MAGI1: variants seen among roughly 807,000 people sequenced by gnomAD.
The protein encoded by MAGI1 is membrane-associated guanylate kinase, WW and PDZ domain-containing protein 1.
In MAGI1, 58 loss-of-function variants were observed where a neutral mutation model predicts 139.9. The ratio of observed to expected loss-of-function variants is 0.41; its 90% CI spans 0.34 to 0.52. The LOEUF is 0.52. Ranked by LOEUF, MAGI1 falls within the 20% of genes least tolerant of loss-of-function variation. The pLI, the probability that MAGI1 is intolerant of heterozygous loss-of-function variation, is 0.12. For missense variants in MAGI1, 1,874 were observed against 1,901.6 expected, an observed-to-expected ratio of 0.99 and a Z score of 0.27; for synonymous variants, 812 against 737.9, an observed-to-expected ratio of 1.10 and a Z score of -1.63.
chr3:65,570,040 C>T (rs1056455283), intron 2 of MAGI1, among the ~76,000 whole-genome samples: 1 of 149,270 alleles, frequency 6.7e-6, no homozygotes, highest in African/African-American at 2.5e-5. Flanking sequence ...GAGCTCTTTC[C>T]ATTCCTACAG....
At chr3:65,401,387 C>G (rs1944879824) in intron 13 of MAGI1, 52 bp downstream of exon 13, 5 of 1,541,238 alleles carry the variant, frequency 3.2e-6, no homozygotes, top group African/African-American at 1.4e-5. Flanking sequence ...CCTCCAGCCC[C>G]CCACCATCCA....
At chr3:65,372,802 C>A (rs933459989) in intron 18 of MAGI1, among the ~76,000 whole-genome samples, 4 of 152,216 alleles carry the variant, frequency 2.6e-5, no homozygotes, top group Non-Finnish European at 4.4e-5. Context: ...CTTTAAATCT[C>A]ATGCACCAAC....
chr3:65,451,460 C>A (rs1306181695), intron 6 of MAGI1, among the ~76,000 whole-genome samples: 1 of 152,096 alleles, frequency 6.6e-6, no homozygotes. Flanking sequence ...TAGTCATTAT[C>A]CAAAATGGTT....
intron 1 of MAGI1, among the ~76,000 whole-genome samples, chr3:65,791,024 A>G (rs192380316): frequency 1.3e-5 from 2 of 152,286 alleles, no homozygotes; most frequent in Admixed American, 1.3e-4. Flanking sequence ...GCAGTAAGCC[A>G]AGGTCGCATC....
At chr3:65,832,566 C>T (rs2042586222) in intron 1 of MAGI1, among the ~76,000 whole-genome samples, 2 of 152,052 alleles carry the variant, frequency 1.3e-5, no homozygotes, top group Non-Finnish European at 2.9e-5. Context: ...AAGCTAGATG[C>T]TCCCTTCTCT....
chr3:65,570,676 T>C (rs759429568), intron 2 of MAGI1, among the ~76,000 whole-genome samples: 1 of 152,196 alleles, frequency 6.6e-6, no homozygotes, highest in Non-Finnish European at 1.5e-5. Context: ...TGAAATAAGA[T>C]TGGCTAAAAG....
At chr3:65,472,128 A>G (rs1553649554) in intron 4 of MAGI1, among the ~76,000 whole-genome samples, 1 of 152,214 alleles carries the variant, frequency 6.6e-6, no homozygotes, top group Non-Finnish European at 1.5e-5. Context: ...TAATAGATCA[A>G]CTATAAGTAA....
intron 2 of MAGI1, among the ~76,000 whole-genome samples, chr3:65,521,540 G>A (rs1047223452): frequency 2.0e-5 from 3 of 152,060 alleles, no homozygotes; most frequent in African/African-American, 7.2e-5. Flanking sequence ...TTGACTTGAG[G>A]CCTGTATTAC....
chr3:65,958,519 T>A (rs990551154), intron 1 of MAGI1, among the ~76,000 whole-genome samples: 5 of 152,222 alleles, frequency 3.3e-5, no homozygotes, highest in Admixed American at 3.3e-4. Flanking sequence ...GGGTAAAAAC[T>A]GGGCATTCTC....
In MAGI1 at chr3:65,360,990, T is replaced by C. The variant is rs969128850; in HGVS notation, c.3634+209A>G. 6 of 1,452,116 alleles carry C rather than the reference T, an allele frequency of 4.1e-6. No homozygotes were observed. The South Asian group carries it at 9.0e-5, about 22-fold the overall frequency. 90.0% of individuals were successfully genotyped at this position (1,452,116 alleles called of 1,614,324 possible). On this transcript the variant is annotated intron_variant, in intron 22 of 22. Transcript: ENST00000402939. Reference sequence around the variant, plus strand: ...GAAAGGGGGCTATAAAGATCTTGTCTTAGGCCATGCCCCAGTCCACGTAAG... The same window carrying C: ...GAAAGGGGGCTATAAAGATCTTGTCCTAGGCCATGCCCCAGTCCACGTAAG...
chr3:65,824,067 A>C (rs1225270538), intron 1 of MAGI1, among the ~76,000 whole-genome samples: 2 of 152,236 alleles, frequency 1.3e-5, no homozygotes, highest in Non-Finnish European at 2.9e-5. Context: ...AGTACAAAAC[A>C]ATCAATCAGG....
chr3:65,817,205 C>T (rs1185749632), intron 1 of MAGI1, among the ~76,000 whole-genome samples: 2 of 151,966 alleles, frequency 1.3e-5, no homozygotes, highest in Non-Finnish European at 2.9e-5. Context: ...GTGCATATTC[C>T]CCAAAATTTT....
At chr3:65,910,855 C>CTTTTTTTGTTTTTTT (rs2061634666) in intron 1 of MAGI1, among the ~76,000 whole-genome samples, 1 of 59,484 alleles carries the variant, frequency 1.7e-5, no homozygotes, top group Non-Finnish European at 2.7e-5. Flanking sequence ...ACATGGTGGA[C>CTTTTTTTGTTTTTTT]TTTTTTTTTT....
rs1056420851 is a variant in MAGI1 at position 65,729,131 on chromosome 3, G to T, written c.314-107043C>A. Among the ~76,000 whole-genome samples, 218 of 109,322 alleles carry T rather than the reference G, an allele frequency of 2.0e-3. 16 individuals are homozygous for T. Among genetic ancestry groups the T allele is most frequent in the African/African-American group, 6.2e-3 (200 of 32,032 alleles). The allele number at this position is 109,322 out of a possible 152,430, so 71.7% of individuals were successfully genotyped here. A position where few individuals can be genotyped will look rare whatever the true frequency, so the allele number is the denominator to read the frequency against. On this transcript the variant is annotated intron_variant, in intron 1 of 22. Transcript: ENST00000402939. ...AACAAAAAATGGAACGGGGGGGGGG[G>T]GGGGGATGATATTCACTCTGAAGAA...
intron 1 of MAGI1, among the ~76,000 whole-genome samples, chr3:65,735,356 C>CATGTGTGTGTGTGTGTGTGTGTGTGT (rs1553699336): frequency 2.7e-5 from 4 of 148,180 alleles, no homozygotes; most frequent in Admixed American, 6.7e-5. Flanking sequence ...TGTGTCTGCA[C>CATGTGTGTGTGTGTGTGTGTGTGTGT]GTGTGTGTGT....
chr3:65,773,502 C>T (rs1233065572), intron 1 of MAGI1, among the ~76,000 whole-genome samples: 9 of 152,122 alleles, frequency 5.9e-5, no homozygotes, highest in Non-Finnish European at 1.2e-4. Context: ...CACTGCACTC[C>T]AGCCTATGCA....
chr3:65,723,216 C>A (rs2107696454), intron 1 of MAGI1, among the ~76,000 whole-genome samples: 1 of 152,272 alleles, frequency 6.6e-6, no homozygotes, highest in African/African-American at 2.4e-5. Context: ...AGGAGTGAAA[C>A]CCCTTGTGGC....
chr3:65,988,335 T>C (rs990520125), intron 1 of MAGI1, among the ~76,000 whole-genome samples: 1 of 152,154 alleles, frequency 6.6e-6, no homozygotes, highest in African/African-American at 2.4e-5. Flanking sequence ...CTGTTGACAA[T>C]GTTGGCGACT....
intron 5 of MAGI1, among the ~76,000 whole-genome samples, chr3:65,463,541 A>C (rs2107547143): frequency 6.8e-6 from 1 of 147,948 alleles, no homozygotes; most frequent in Middle Eastern, 3.4e-3. Context: ...GATGTTCATC[A>C]GGGATATTGG....
Sources: allele counts gnomAD v4.1 joint callset (sites outside exome capture counted in the v4.1 genomes callset), GRCh38; gene constraint gnomAD v4.1.1; transcripts MANE v1.5; gene names NCBI Gene and HGNC (gene_info 2026-07-23, HGNC 2026-07-21).